Variants in PDE11A observed in about 807,000 individuals in gnomAD.
The protein encoded by PDE11A is phosphodiesterase 11A, also known as dual 3',5'-cyclic-AMP and -GMP phosphodiesterase 11A.
In PDE11A, 100 loss-of-function variants were observed where a neutral mutation model predicts 100.5. The observed-to-expected ratio is 1.00, with a 90% CI of 0.85 to 1.18. The LOEUF is 1.18. Among genes scored for constraint, PDE11A ranks in the 50% most tolerant of loss-of-function variants. PDE11A has a pLI of 0.00. For missense variants in PDE11A, 1,141 were observed against 1,152.6 expected, an observed-to-expected ratio of 0.99 and a Z score of 0.15; for synonymous variants, 381 against 420.8, an observed-to-expected ratio of 0.91 and a Z score of 1.16.
intron 5 of PDE11A, among the ~76,000 whole-genome samples, chr2:177,875,429 G>A (rs2084216940): frequency 6.6e-6 from 1 of 151,732 alleles, no homozygotes; most frequent in Non-Finnish European, 1.5e-5. Flanking sequence ...CCAGGCTGGA[G>A]TGCAGTGGCA....
intron 19 of PDE11A, among the ~76,000 whole-genome samples, chr2:177,663,370 A>G: frequency 6.6e-6 from 1 of 150,690 alleles, no homozygotes; most frequent in East Asian, 1.9e-4. Flanking sequence ...GTATCAGACC[A>G]TGGGGTCAGA....
intron 12 of PDE11A, among the ~76,000 whole-genome samples, chr2:177,727,046 T>C (rs1484322550): frequency 1.3e-5 from 2 of 152,114 alleles, no homozygotes. Flanking sequence ...AACATTTGCT[T>C]TGAGATTAAA....
At chr2:177,727,963 T>C (rs566332779) in intron 11 of PDE11A, 63 bp downstream of exon 11, 265 of 1,437,104 alleles carry the variant, frequency 1.8e-4, no homozygotes, top group Non-Finnish European at 2.4e-4. Context: ...AAACCAGTGG[T>C]TCAGAGTGGC....
intron 15 of PDE11A, among the ~76,000 whole-genome samples, chr2:177,692,037 A>C (rs1559145364): frequency 6.6e-6 from 1 of 152,162 alleles, no homozygotes; most frequent in Non-Finnish European, 1.5e-5. Context: ...TGCAGTCCTC[A>C]ATCTTGGCTC....
intron 15 of PDE11A, chr2:177,687,149 G>A (rs1228566968): frequency 1.3e-5 from 2 of 152,100 alleles, no homozygotes; most frequent in Non-Finnish European, 2.9e-5. Context: ...TAAATTTATT[G>A]TGCATATTTA....
Position 177,676,736 on chromosome 2 carries a change from C to G in PDE11A, c.2424-1218G>C, listed in dbSNP as rs575378235. Among the ~76,000 whole-genome samples, 14 of 152,338 alleles carry G rather than the reference C, an allele frequency of 9.2e-5. No individual in the cohort carries two copies. In the South Asian group the frequency reaches 2.9e-3, roughly 32 times the overall value. ...TCTATTCATTTTTGACCTTCTGTAT[C>G]AGGCATTTCTACACTGCTTACTGTG... On this transcript the variant is annotated intron_variant, in intron 16 of 19. Transcript: ENST00000286063.
chr2:178,036,736 A>AT (rs1409423498), intron 1 of PDE11A, among the ~76,000 whole-genome samples: 1 of 152,180 alleles, frequency 6.6e-6, no homozygotes, highest in Non-Finnish European at 1.5e-5. Flanking sequence ...CAATCATCTG[A>AT]TTTTCAACAA....
At chr2:177,902,295 T>C (rs2084710315) in intron 3 of PDE11A, among the ~76,000 whole-genome samples, 1 of 152,090 alleles carries the variant, frequency 6.6e-6, no homozygotes, top group Admixed American at 6.5e-5. Context: ...ATGTACTTTG[T>C]ATGCCTATCC....
intron 1 of PDE11A, among the ~76,000 whole-genome samples, chr2:178,029,282 C>T (rs972438829): frequency 1.3e-5 from 2 of 152,182 alleles, no homozygotes; most frequent in East Asian, 1.9e-4. Flanking sequence ...ACTGATATCA[C>T]ACAGAAAATA....
Position 177,628,121 on chromosome 2 carries a change from A to G in PDE11A, c.*1286T>C, listed in dbSNP as rs1031940959. On this transcript the variant is annotated 3_prime_UTR_variant, in exon 20 of 20. Transcript: ENST00000286063. ...CATTGAAAGATTTATTTGAACAAAG[A>G]GTTGTAAGGTTAAAACATGTTCGAG... 2.6e-5 allele frequency: 4 copies of G among 152,576 alleles called. No individual in the cohort carries two copies. 9.5% of individuals were successfully genotyped at this position (152,576 alleles called of 1,614,324 possible).
intron 1 of PDE11A, among the ~76,000 whole-genome samples, chr2:178,030,570 A>C (rs967280522): frequency 6.6e-6 from 1 of 152,080 alleles, no homozygotes; most frequent in African/African-American, 2.4e-5. Flanking sequence ...AAATCAGACA[A>C]GAGTATTCTA....
chr2:177,704,916 C>T (rs2081257083), intron 13 of PDE11A, among the ~76,000 whole-genome samples: 1 of 152,158 alleles, frequency 6.6e-6, no homozygotes, highest in Non-Finnish European at 1.5e-5. Flanking sequence ...TGTTGGCTTA[C>T]TGCAACCTCC....
chr2:177,749,294 C>T (rs943106091), intron 10 of PDE11A, among the ~76,000 whole-genome samples: 2 of 152,156 alleles, frequency 1.3e-5, no homozygotes, highest in Non-Finnish European at 2.9e-5. Context: ...TCATTGTAAC[C>T]TCAGACTGTT....
intron 1 of PDE11A, among the ~76,000 whole-genome samples, chr2:178,025,285 A>C (rs548948047): frequency 5.7e-4 from 87 of 152,308 alleles, no homozygotes; most frequent in African/African-American, 2.0e-3. Flanking sequence ...TCTACTTGCT[A>C]AATGTTTAAA....
intron 19 of PDE11A, among the ~76,000 whole-genome samples, chr2:177,645,059 C>T (rs1012233442): frequency 1.2e-4 from 18 of 152,162 alleles, no homozygotes; most frequent in Non-Finnish European, 1.5e-4. Context: ...AGTGTGAAAA[C>T]GGACTAATAC....
chr2:177,705,004 C>T (rs2105415134), intron 13 of PDE11A, among the ~76,000 whole-genome samples: 1 of 152,234 alleles, frequency 6.6e-6, no homozygotes, highest in East Asian at 1.9e-4. Context: ...CCACGCTTAG[C>T]TAATTTTTTG....
At chr2:177,897,461 T>C (rs529928250) in intron 4 of PDE11A, among the ~76,000 whole-genome samples, 2 of 152,294 alleles carry the variant, frequency 1.3e-5, no homozygotes, top group Admixed American at 6.5e-5. Flanking sequence ...AAGGCTACTT[T>C]GTGCCAGAAT....
intron 2 of PDE11A, among the ~76,000 whole-genome samples, chr2:178,091,520 T>C (rs1487429959): frequency 6.6e-6 from 1 of 152,220 alleles, no homozygotes; most frequent in Non-Finnish European, 1.5e-5. Context: ...AGGGCTATTG[T>C]TGTGAAGTGT....
chr2:177,710,623 A>G (rs998457652), intron 13 of PDE11A, among the ~76,000 whole-genome samples: 2 of 152,204 alleles, frequency 1.3e-5, no homozygotes, highest in Non-Finnish European at 2.9e-5. Flanking sequence ...GTTTCTGCAG[A>G]GTGGATGTCA....
Sources: allele counts gnomAD v4.1 joint callset (sites outside exome capture counted in the v4.1 genomes callset), GRCh38; gene constraint gnomAD v4.1.1; transcripts MANE v1.5; gene names NCBI Gene and HGNC (gene_info 2026-07-23, HGNC 2026-07-21).